IL22RA1: variants seen among roughly 807,000 people sequenced by gnomAD.
IL22RA1 encodes the protein interleukin 22 receptor subunit alpha 1, also known as interleukin-22 receptor subunit alpha-1.
In IL22RA1, 25 loss-of-function variants were observed where a neutral mutation model predicts 32.8. The ratio of observed to expected loss-of-function variants is 0.76; its 90% CI spans 0.55 to 1.06. IL22RA1 has a LOEUF of 1.06. IL22RA1 is among the 50% of genes least tolerant of loss of function. The probability of loss-of-function intolerance (pLI) is 0.00; values close to 1 mark genes in which losing one functional copy is unlikely to be tolerated. For synonymous variants in IL22RA1, 305 were observed against 305.0 expected (o/e 1.00, Z 0.00); for missense variants, 709 against 727.4 (o/e 0.97, Z 0.29).
chr1:24,133,816 C>T (rs1001505736), intron 4 of IL22RA1, among the ~76,000 whole-genome samples: 6 of 152,046 alleles, frequency 3.9e-5, no homozygotes, highest in African/African-American at 1.2e-4. Context: ...ATACCTAATG[C>T]TAAATGACGA....
At chr1:24,121,784 C>T in intron 6 of IL22RA1, 47 bp from the exon 7 acceptor site, 1 of 1,403,838 alleles carries the variant, frequency 7.1e-7, no homozygotes. Context: ...AGGGTAAGTC[C>T]CAAGCTCCCT....
At position 24,130,518 on chromosome 1, in the gene IL22RA1, A is replaced by G. The variant is rs72879671; in HGVS notation, c.532-2239T>C. Among the ~76,000 whole-genome samples the G allele has an allele frequency of 6.5e-3, 984 of 152,340 alleles. 20 individuals carry two copies. The highest frequency in any genetic ancestry group is 0.021 in the African/African-American group (883 of 41,564). ...TGGAGTTCAGCCAAATTAATTGCCTACCAAAACCGGATGAAACCAAACCAA... is the reference window on the plus strand; with the variant it reads ...TGGAGTTCAGCCAAATTAATTGCCTGCCAAAACCGGATGAAACCAAACCAA... On this transcript the variant is annotated intron_variant, in intron 4 of 6. Transcript: ENST00000270800.
chr1:24,132,254 A>G (rs933967878), intron 4 of IL22RA1, among the ~76,000 whole-genome samples: 20 of 151,612 alleles, frequency 1.3e-4, no homozygotes, highest in Non-Finnish European at 2.8e-4. Flanking sequence ...CTGGAAGGGG[A>G]CCCAAGAATC....
At chr1:24,131,696 C>T (rs1030207928) in intron 4 of IL22RA1, among the ~76,000 whole-genome samples, 27 of 152,138 alleles carry the variant, frequency 1.8e-4, no homozygotes, top group African/African-American at 6.0e-4. Context: ...AACAATTAAA[C>T]GACCAATTGA....
Position 24,137,183 on chromosome 1 carries a change from C to CGGA in IL22RA1, c.302_303insTCC (p.Ala101_Gly102insPro). The CGGA allele has an allele frequency of 6.2e-7, 1 of 1,614,068 alleles. No individual in the cohort carries two copies. ...TCATCTTGGTGGCTGACCGGCCTCC[C>CGGA]GCACTGACAGCGGTGACCCTGGCAT... On this transcript the variant is annotated inframe_insertion, in exon 3 of 7. Transcript: ENST00000270800.
chr1:24,128,990 A>T (rs1182047139), intron 4 of IL22RA1, among the ~76,000 whole-genome samples: 1 of 152,088 alleles, frequency 6.6e-6, no homozygotes, highest in East Asian at 1.9e-4. Flanking sequence ...TCAATGCTGG[A>T]TACCTGCCAC....
In IL22RA1 at chr1:24,121,642, G is replaced by A. The variant is rs1644123263; in HGVS notation, c.888C>T (p.Ala296=). Residue 296 remains alanine, a synonymous_variant, in exon 7 of 7, where the codon GCC becomes GCT. Coordinates refer to ENST00000270800, the MANE Select transcript of IL22RA1 (RefSeq NM_021258.4). The part of the protein sequence containing the change: ...VFDLSGPSSL[A]QPVQYSQIRV... ...TGATCTGGGAGTACTGGACAGGCTG[G>A]GCCAGACTGCTGGGGCCGCTGAGGT... 1.9e-6 allele frequency: 3 copies of A among 1,611,538 alleles called. No individual in the cohort carries two copies. Among genetic ancestry groups the A allele is most frequent in the Non-Finnish European group, 2.5e-6 (3 of 1,178,282 alleles).
Position 24,121,706 on chromosome 1 carries a change from A to G in IL22RA1, c.824T>C (p.Leu275Pro). 1 of 1,561,484 alleles carries G rather than the reference A, an allele frequency of 6.4e-7. No individual in the cohort carries two copies. The highest frequency in any genetic ancestry group is 8.7e-7 in the Non-Finnish European group (1 of 1,150,324). The change falls in exon 7 of 7, where the codon CTG becomes CCG. Residue 275 changes from leucine to proline, a missense_variant. Coordinates refer to ENST00000270800, the MANE Select transcript of IL22RA1 (RefSeq NM_021258.4). Reference sequence around the variant, plus strand: ...CAGGACGTGCTCCTGGATGAAGCGCAGCGGCTGGAAAGTCAGGACTCGCTG... The same window carrying G: ...CAGGACGTGCTCCTGGATGAAGCGCGGCGGCTGGAAAGTCAGGACTCGCTG... The part of the protein sequence containing the change: ...NVQRVLTFQP[L>P]RFIQEHVLIP...
intron 1 of IL22RA1, among the ~76,000 whole-genome samples, chr1:24,141,457 T>C (rs1424052338): frequency 6.6e-6 from 1 of 152,136 alleles, no homozygotes; most frequent in Admixed American, 6.5e-5. Flanking sequence ...GAGGTCAGTG[T>C]TCTGGGTGGG....
chr1:24,128,385 G>A, intron 4 of IL22RA1, 106 bp from the exon 5 acceptor site: 2 of 1,340,572 alleles, frequency 1.5e-6, no homozygotes, highest in Non-Finnish European at 2.1e-6. Context: ...GATGCTGATG[G>A]GTCTGTCTTC....
At chr1:24,129,717 C>G (rs1431873006) in intron 4 of IL22RA1, among the ~76,000 whole-genome samples, 1 of 152,134 alleles carries the variant, frequency 6.6e-6, no homozygotes, top group Non-Finnish European at 1.5e-5. Flanking sequence ...ACATGGAGGC[C>G]AAGGTTGAGG....
Position 24,143,010 on chromosome 1 carries a change from G to C in IL22RA1, c.43+30C>G, listed in dbSNP as rs562750037. 10 of 1,607,178 alleles carry C rather than the reference G, an allele frequency of 6.2e-6. No homozygotes were observed. In the South Asian group the frequency reaches 1.0e-4, roughly 16 times the overall value. ...GATCGTTGGCCCCTGGGATAAGGGAGGTCTGACCACAGGGTAGATGGGCAC... is the reference window on the plus strand; with the variant it reads ...GATCGTTGGCCCCTGGGATAAGGGACGTCTGACCACAGGGTAGATGGGCAC... On this transcript the variant is annotated intron_variant, in intron 1 of 6. Transcript: ENST00000270800.
chr1:24,123,304 G>A lies in IL22RA1; in HGVS notation c.790C>T (p.Leu264=), dbSNP rs201937873. 406 of 1,613,782 alleles carry A rather than the reference G, an allele frequency of 2.5e-4. 1 individual carries two copies. The highest frequency in any genetic ancestry group is 3.3e-4 in the Non-Finnish European group (395 of 1,179,856). Residue 264 remains leucine (L), a splice_region_variant and synonymous_variant, in exon 6 of 7, where the codon CTG becomes TTG. Coordinates refer to ENST00000270800, the MANE Select transcript of IL22RA1 (RefSeq NM_021258.4). ...VTKPPAPPNS[L]NVQRVLTFQP... is the part of the protein sequence containing the mutation. ...CCCACCCTGGGGGGATGGCTCACCA[G>A]GGAGTTGGGAGGTGCAGGCGGCTTG...
In IL22RA1 at chr1:24,121,419, C is replaced by T. The variant is rs549343073; in HGVS notation, c.1111G>A (p.Glu371Lys). ...GGGGCGTAGAATGGGAATTGAGCTT[C>T]GGGGGTCACCTGAGGTGCATAGGAT... ...PPSYAPQVTP[E>K]AQFPFYAPQA... Residue 371 changes from glutamate (E) to lysine (K), a missense_variant, in exon 7 of 7, where the codon GAA (glutamate) becomes AAA (lysine). By Grantham distance (56) the Glu-to-Lys change is moderately conservative. Transcript: ENST00000270800. 2.8e-4 allele frequency: 437 copies of T among 1,549,280 alleles called. 5 individuals are homozygous for T. In the South Asian group the frequency reaches 4.4e-3, roughly 16 times the overall value.
intron 3 of IL22RA1, among the ~76,000 whole-genome samples, chr1:24,136,789 C>G (rs1644245242): frequency 6.6e-6 from 1 of 152,116 alleles, no homozygotes; most frequent in Non-Finnish European, 1.5e-5. Flanking sequence ...GAGGAGATCT[C>G]TCTAAATGCT....
intron 3 of IL22RA1, among the ~76,000 whole-genome samples, chr1:24,134,608 T>A (rs1644230093): frequency 6.6e-6 from 1 of 152,118 alleles, no homozygotes; most frequent in Admixed American, 6.5e-5. Flanking sequence ...CAAGAGTGGA[T>A]GAGAAGAACT....
chr1:24,124,633 C>A (rs754809059), intron 5 of IL22RA1, among the ~76,000 whole-genome samples: 1 of 152,126 alleles, frequency 6.6e-6, no homozygotes, highest in Admixed American at 6.5e-5. Flanking sequence ...CCCTGTGCAG[C>A]CTCAGCTTGG....
At chr1:24,142,715 G>C (rs1030515863) in intron 1 of IL22RA1, among the ~76,000 whole-genome samples, 1 of 152,216 alleles carries the variant, frequency 6.6e-6, no homozygotes, top group African/African-American at 2.4e-5. Context: ...AGGGACCGAA[G>C]GATGTCTGCC....
At chr1:24,126,265 GC>G (rs1242730808) in intron 5 of IL22RA1, among the ~76,000 whole-genome samples, 1 of 152,268 alleles carries the variant, frequency 6.6e-6, no homozygotes, top group Non-Finnish European at 1.5e-5. Context: ...GCCAGTGTTG[GC>G]TGTTCCGTGA....
Sources: allele counts gnomAD v4.1 joint callset (sites outside exome capture counted in the v4.1 genomes callset), GRCh38; gene constraint gnomAD v4.1.1; transcripts MANE v1.5; gene names NCBI Gene and HGNC (gene_info 2026-07-23, HGNC 2026-07-21).